Variants in HNRNPA2B1 observed in about 807,000 individuals in gnomAD.
The protein encoded by HNRNPA2B1 is heterogeneous nuclear ribonucleoprotein A2/B1.
Under a neutral mutation model 46.3 loss-of-function variants are expected in HNRNPA2B1, and 3 were observed. That is an observed-to-expected ratio of 0.06 (90% confidence interval 0.03 to 0.17). HNRNPA2B1 has a LOEUF of 0.17. Ranked by LOEUF, HNRNPA2B1 falls within the 10% of genes least tolerant of loss-of-function variation. HNRNPA2B1 has a pLI of 1.00. For missense variants in HNRNPA2B1, 221 were observed against 418.9 expected (o/e 0.53, Z 4.12); for synonymous variants, 225 against 133.8 (o/e 1.68, Z -4.70).
intron 1 of HNRNPA2B1, chr7:26,200,346 C>G (rs1167469917): frequency 1.7e-6 from 1 of 602,332 alleles, no homozygotes; most frequent in Non-Finnish European, 3.0e-6. Context: ...CTCCCCATCC[C>G]CCACCCCCAG....
chr7:26,198,891 A>C (rs767213428), intron 1 of HNRNPA2B1: 24 of 152,172 alleles, frequency 1.6e-4, no homozygotes, highest in Non-Finnish European at 2.6e-4. Flanking sequence ...CTCCATTCGC[A>C]TGCTCCCAAC....
chr7:26,196,498 A>AG lies in HNRNPA2B1; in HGVS notation c.578-18dup. On this transcript the variant is annotated splice_polypyrimidine_tract_variant and intron_variant, in intron 5 of 10. Coordinates refer to ENST00000618183, the MANE Select transcript of HNRNPA2B1 (RefSeq NM_002137.4). ...CAAAGTTGCCTACAATAAATGCCCC[A>AG]GTTAGAAGCAAGCCCTTATATATGA... 6.2e-7 allele frequency: 1 copy of AG among 1,613,956 alleles called. No individual in the cohort carries two copies. The highest frequency in any genetic ancestry group is 1.1e-5 in the South Asian group (1 of 91,072).
intron 10 of HNRNPA2B1, 22 bp from the exon 11 acceptor site, chr7:26,192,360 G>GT (rs1166316546): frequency 1.5e-6 from 1 of 658,092 alleles, no homozygotes; most frequent in African/African-American, 1.8e-5. Flanking sequence ...GAAGTAAAGA[G>GT]TAAAAAAAAA....
chr7:26,195,092 C>CAAAAAAAAAAAAAAAAAAAA (rs11356411), intron 7 of HNRNPA2B1, among the ~76,000 whole-genome samples: 36 of 51,940 alleles, frequency 6.9e-4, no homozygotes, highest in Non-Finnish European at 1.5e-3. Context: ...GGCTCCGTCT[C>CAAAAAAAAAAAAAAAAAAAA]AAAAAAAAAA....
At chr7:26,194,708 A>G (rs1402776476) in intron 7 of HNRNPA2B1, among the ~76,000 whole-genome samples, 2 of 151,236 alleles carry the variant, frequency 1.3e-5, no homozygotes, top group Non-Finnish European at 2.9e-5. Flanking sequence ...AAAAAAACAG[A>G]CCCAACACTC....
At chr7:26,199,021 G>C (rs188366618) in intron 1 of HNRNPA2B1, 47 of 152,244 alleles carry the variant, frequency 3.1e-4, no homozygotes, top group African/African-American at 1.1e-3. Context: ...ACACAAAGCA[G>C]TCTTTTGAAA....
intron 7 of HNRNPA2B1, chr7:26,195,595 A>C: frequency 2.1e-6 from 1 of 483,366 alleles, no homozygotes; most frequent in Non-Finnish European, 3.7e-6. Flanking sequence ...TCTAGATCCA[A>C]TCATTTTGCT....
intron 8 of HNRNPA2B1, 68 bp downstream of exon 8, chr7:26,193,507 A>G: frequency 6.5e-7 from 1 of 1,549,842 alleles, no homozygotes; most frequent in Non-Finnish European, 8.7e-7. Context: ...ACATGGAAAC[A>G]AAAGATCAAG....
At chr7:26,195,718 C>T in intron 7 of HNRNPA2B1, 129 bp downstream of exon 7, 1 of 972,836 alleles carries the variant, frequency 1.0e-6, no homozygotes, top group Non-Finnish European at 1.5e-6. Flanking sequence ...ATAACTGGAC[C>T]ACTATCACCC....
chr7:26,200,189 C>T (rs1784240342), intron 1 of HNRNPA2B1: 1 of 279,716 alleles, frequency 3.6e-6, no homozygotes, highest in Admixed American at 4.9e-5. Flanking sequence ...AGCTCCGCAG[C>T]CTCGCTCACG....
intron 7 of HNRNPA2B1, among the ~76,000 whole-genome samples, chr7:26,195,092 C>CAAAAAAAAAAAAAAAAA (rs11356411): frequency 5.8e-5 from 3 of 51,938 alleles, no homozygotes; most frequent in Non-Finnish European, 1.4e-4. Flanking sequence ...GGCTCCGTCT[C>CAAAAAAAAAAAAAAAAA]AAAAAAAAAA....
chr7:26,196,334 TG>T (rs1783633103), intron 6 of HNRNPA2B1, 66 bp downstream of exon 6: 15 of 1,310,722 alleles, frequency 1.1e-5, no homozygotes, highest in Admixed American at 2.1e-5. Flanking sequence ...ATTCTACTAA[TG>T]AAAACCTAAT....
intron 9 of HNRNPA2B1, among the ~76,000 whole-genome samples, chr7:26,192,855 C>A (rs1327325109): frequency 2.0e-5 from 3 of 152,024 alleles, no homozygotes; most frequent in Non-Finnish European, 4.4e-5. Flanking sequence ...TACATCAAGC[C>A]CAAGACAAAG....
At chr7:26,194,844 C>T (rs1783346814) in intron 7 of HNRNPA2B1, among the ~76,000 whole-genome samples, 3 of 151,460 alleles carry the variant, frequency 2.0e-5, no homozygotes, top group African/African-American at 7.3e-5. Flanking sequence ...CCTGTAACCC[C>T]AGCGTTTTTG....
In HNRNPA2B1 at chr7:26,192,595, G is replaced by A. The variant is rs1189654294; in HGVS notation, c.965-18C>T. ...ATAGTTTCCTATAATTGTTGGAACAGCAAGAGAAAACAAACTTACTTTGAT... is the reference window on the plus strand; with the variant it reads ...ATAGTTTCCTATAATTGTTGGAACAACAAGAGAAAACAAACTTACTTTGAT... On this transcript the variant is annotated intron_variant, in intron 9 of 10. Coordinates refer to ENST00000618183, the MANE Select transcript of HNRNPA2B1 (RefSeq NM_002137.4). 1.9e-6 allele frequency: 3 copies of A among 1,609,780 alleles called. No homozygotes were observed. Among genetic ancestry groups the A allele is most frequent in the Non-Finnish European group, 2.6e-6 (3 of 1,176,232 alleles).
chr7:26,194,618 T>C (rs544948221), intron 7 of HNRNPA2B1, among the ~76,000 whole-genome samples: 63 of 150,432 alleles, frequency 4.2e-4, no homozygotes, highest in Non-Finnish European at 7.7e-4. Context: ...GGAGGATGGC[T>C]TGAGACTAAG....
In HNRNPA2B1 at chr7:26,192,142, C is replaced by CCTGT. The variant is rs1231923401; in HGVS notation, c.*217_*218insACAG. The stretch of plus-strand genomic sequence containing the variant: ...GGCATTTTTTTTTACAATCCTTCCT[C>CCTGT]CACAGTAAGGTAATGTTATTAAATA... On this transcript the variant is annotated 3_prime_UTR_variant, in exon 11 of 11. Transcript: ENST00000618183. 5.9e-6 allele frequency: 1 copy of CCTGT among 168,632 alleles called. No individual in the cohort carries two copies. Among genetic ancestry groups the CCTGT allele is most frequent in the African/African-American group, 2.4e-5 (1 of 41,870 alleles). 10.4% of individuals were successfully genotyped at this position (168,632 alleles called of 1,614,324 possible).
chr7:26,197,757 T>G, intron 1 of HNRNPA2B1, 25 bp from the exon 2 acceptor site: 1 of 1,600,482 alleles, frequency 6.2e-7, no homozygotes, highest in Non-Finnish European at 8.5e-7. Flanking sequence ...ACCATTTCAA[T>G]TTTTATTTAC....
rs1374446329 is a variant in HNRNPA2B1 at position 26,193,713 on chromosome 7, T to G, written c.722-19A>C. 6.2e-7 allele frequency: 1 copy of G among 1,601,910 alleles called. No homozygotes were observed. The highest frequency in any genetic ancestry group is 8.5e-7 in the Non-Finnish European group (1 of 1,171,822). On this transcript the variant is annotated intron_variant, in intron 7 of 10. Transcript: ENST00000618183. ...TTGCCACCTATTATAAAATAAGCCT[T>G]TAAGTAATCACTTAATATTTTCAAT...
Sources: allele counts gnomAD v4.1 joint callset (sites outside exome capture counted in the v4.1 genomes callset), GRCh38; gene constraint gnomAD v4.1.1; transcripts MANE v1.5; gene names NCBI Gene and HGNC (gene_info 2026-07-23, HGNC 2026-07-21).